The following NTF4 variants were observed in gnomAD, a reference collection of about 807,000 sequenced individuals.
NTF4 encodes the protein neurotrophin-4.
Under a neutral mutation model 4.4 loss-of-function variants are expected in NTF4, and 2 were observed. The observed-to-expected ratio is 0.46, with a 90% CI of 0.19 to 1.44. The LOEUF (loss-of-function observed/expected upper bound fraction) is 1.44. Among genes scored for constraint, NTF4 ranks in the 40% most tolerant of loss-of-function variants. The pLI, the probability that NTF4 is intolerant of heterozygous loss-of-function variation, is 0.26. For missense variants in NTF4, 260 were observed against 293.0 expected (o/e 0.89, Z 0.82); for synonymous variants, 127 against 122.0 (o/e 1.04, Z -0.27).
chr19:49,061,010 T>TG (rs1448066404), downstream of NTF4: 1 of 303,934 alleles, frequency 3.3e-6, no homozygotes, highest in African/African-American at 2.2e-5. The surrounding 1 kb of genome is among the most constrained non-coding windows in gnomAD (Gnocchi z 4.9). Context: ...AGCAAGGTGG[T>TG]GTCCTCTGAG....
rs764829441 is a variant in NTF4 at position 49,061,486 on chromosome 19, T to C, written c.512A>G (p.Lys171Arg). 6.2e-7 allele frequency: 1 copy of C among 1,614,040 alleles called. No individual in the cohort carries two copies. The highest frequency in any genetic ancestry group is 8.5e-7 in the Non-Finnish European group (1 of 1,179,936). Residue 171 changes from lysine to arginine, a missense_variant, in exon 1 of 1, where the codon AAG becomes AGG. Transcript: ENST00000593537. This position sits in a 1 kb window ranked among gnomAD's most constrained non-coding sequence, Gnocchi z 4.9. The stretch of plus-strand genomic sequence containing the variant: ...TGCCCGCACATAGGACTGCTTGGCC[T>C]TGCACTCAGATACCCAGTGCCTCCT...
At chr19:49,062,246 G>C (rs1199368948), upstream of NTF4, among the ~76,000 whole-genome samples, 2 of 152,232 alleles carry the variant, frequency 1.3e-5, no homozygotes, top group African/African-American at 4.8e-5. Context: ...CCAGCACTCT[G>C]GGAGGCTGAG....
downstream of NTF4, among the ~76,000 whole-genome samples, chr19:49,060,458 A>T (rs924063806): frequency 2.0e-5 from 3 of 152,024 alleles, no homozygotes; most frequent in African/African-American, 7.3e-5. Context: ...CACCCTTCAG[A>T]GTAGCTTGGA....
Position 49,061,853 on chromosome 19 carries a change from A to G in NTF4, c.145T>C (p.Ser49Pro). The change falls in exon 1 of 1, where the codon TCT (serine) becomes CCT (proline). Residue 49 changes from serine (S) to proline (P), a missense_variant. Coordinates refer to ENST00000593537, the Ensembl canonical transcript of NTF4. This position sits in a 1 kb window ranked among gnomAD's most constrained non-coding sequence, Gnocchi z 4.9. ...GGGGGCCCAGCAGGGGCACCCCTAG[A>G]CAGGACTACTCGGGGGGAGAGAAGG... The G allele has an allele frequency of 6.5e-7, 1 of 1,548,780 alleles. No homozygotes were observed. The highest frequency in any genetic ancestry group is 8.7e-7 in the Non-Finnish European group (1 of 1,145,674).
In NTF4 at chr19:49,061,827, A is replaced by C; in HGVS notation, c.171T>G (p.Pro57=). Residue 57 remains proline, a synonymous_variant, in exon 1 of 1, where the codon CCT becomes CCG. Transcript: ENST00000593537. This position sits in a 1 kb window ranked among gnomAD's most constrained non-coding sequence, Gnocchi z 4.9. ...CCCCAGCCTCCAGCAGGAAGAGCAG[A>C]GGGGGCCCAGCAGGGGCACCCCTAG... 1 of 1,550,668 alleles carries C rather than the reference A, an allele frequency of 6.4e-7. No homozygotes were observed. Among genetic ancestry groups the C allele is most frequent in the Non-Finnish European group, 8.7e-7 (1 of 1,147,480 alleles).
At chr19:49,058,400 C>G, downstream of NTF4, 2 of 841,178 alleles carry the variant, frequency 2.4e-6, no homozygotes, top group Non-Finnish European at 1.8e-6. Context: ...CCCTATCACC[C>G]CCCACCCCAA....
rs898702012 is a variant in NTF4 at position 49,061,890 on chromosome 19, G to A, written c.108C>T (p.Ala36=). 1 of 1,536,252 alleles carries A rather than the reference G, an allele frequency of 6.5e-7. No individual in the cohort carries two copies. Among genetic ancestry groups the A allele is most frequent in the Admixed American group, 2.0e-5 (1 of 50,672 alleles). Reference sequence around the variant, plus strand: ...GGGGGGAGAGAAGGTCCCACTCAGGGGCCAGAAAAGGGGGCAATGTTGAGG... The same window carrying A: ...GGGGGGAGAGAAGGTCCCACTCAGGAGCCAGAAAAGGGGGCAATGTTGAGG... Residue 36 remains alanine (A), a synonymous_variant, in exon 1 of 1, where the codon GCC becomes GCT. Transcript: ENST00000593537. This position sits in a 1 kb window ranked among gnomAD's most constrained non-coding sequence, Gnocchi z 4.9.
At chr19:49,062,523 A>T (rs1204525079), upstream of NTF4, among the ~76,000 whole-genome samples, 1 of 152,044 alleles carries the variant, frequency 6.6e-6, no homozygotes, top group Non-Finnish European at 1.5e-5. Flanking sequence ...GGTGGCTCAC[A>T]CCTGTAATCC....
At chr19:49,060,036 C>CAAAAAA (rs55870191), downstream of NTF4, among the ~76,000 whole-genome samples, 1,900 of 28,526 alleles carry the variant, frequency 0.067, 584 homozygotes, top group Non-Finnish European at 0.07. Flanking sequence ...GACTCCATCT[C>CAAAAAA]AAAAAAAAAA....
downstream of NTF4, among the ~76,000 whole-genome samples, chr19:49,060,323 C>T (rs534436074): frequency 7.9e-5 from 12 of 152,136 alleles, no homozygotes; most frequent in African/African-American, 2.7e-4. Context: ...CCCACTCAAG[C>T]TGGACAAAAT....
downstream of NTF4, among the ~76,000 whole-genome samples, chr19:49,059,757 G>A (rs1400135556): frequency 6.6e-6 from 1 of 152,044 alleles, no homozygotes; most frequent in African/African-American, 2.4e-5. Flanking sequence ...ACTATAAACA[G>A]CTTTTGATCA....
At chr19:49,058,301 G>A, downstream of NTF4, 2 of 1,508,514 alleles carry the variant, frequency 1.3e-6, no homozygotes, top group Non-Finnish European at 1.8e-6. Flanking sequence ...GCCCAGATGC[G>A]AGAATCCTGC....
chr19:49,061,134 C>T lies in NTF4; in HGVS notation c.*231G>A, dbSNP rs746653017. On this transcript the variant is annotated 3_prime_UTR_variant, in exon 1 of 1. Transcript: ENST00000593537. The surrounding 1 kb of genome is among the most constrained non-coding windows in gnomAD (Gnocchi z 4.9). ...ACAGTAAACACTCAGTAAATAGTGG[C>T]TATTATTATTATATCATCATCATTA... 8 of 678,862 alleles carry T rather than the reference C, an allele frequency of 1.2e-5. No individual in the cohort carries two copies. The highest frequency in any genetic ancestry group is 1.9e-5 in the Non-Finnish European group (8 of 411,440). 42.1% of individuals were successfully genotyped at this position (678,862 alleles called of 1,614,324 possible).
At chr19:49,060,393 A>G (rs1026567266), downstream of NTF4, among the ~76,000 whole-genome samples, 3 of 152,180 alleles carry the variant, frequency 2.0e-5, no homozygotes, top group South Asian at 2.1e-4. Context: ...GTGCAATGGT[A>G]CAGTCTTGGC....
rs749392406 is a variant in NTF4, at chr19:49,061,438, C to A, written c.560G>T (p.Arg187Leu). 1 of 1,614,002 alleles carries A rather than the reference C, an allele frequency of 6.2e-7. No homozygotes were observed. The highest frequency in any genetic ancestry group is 8.5e-7 in the Non-Finnish European group (1 of 1,179,960). The change falls in exon 1 of 1, where the codon CGT (arginine) becomes CTT (leucine). Residue 187 changes from arginine (R) to leucine (L), a missense_variant. Arg to Leu is a moderately radical substitution (Grantham distance 102). Transcript: ENST00000593537. The surrounding 1 kb of genome is among the most constrained non-coding windows in gnomAD (Gnocchi z 4.9). The stretch of plus-strand genomic sequence containing the variant: ...AATTCGAATCCATCGCCAGCCCACA[C>A]GGCCCTGGGCATCAGCGGTCAATGC...
At chr19:49,060,080 A>C (rs972345395), downstream of NTF4, among the ~76,000 whole-genome samples, 1 of 124,886 alleles carries the variant, frequency 8.0e-6, no homozygotes, top group East Asian at 2.5e-4. Flanking sequence ...GCTTTTGGTC[A>C]AGGCCTCTGA....
rs2040125476 is a variant in NTF4, at chr19:49,061,076, T to C, written c.*289A>G. ...CCACCAATGATCAAATCCATGAGAG[T>C]TGATCTGAGGAGTTATGTATTAGGG... On this transcript the variant is annotated 3_prime_UTR_variant, in exon 1 of 1. Transcript: ENST00000593537. This position sits in a 1 kb window ranked among gnomAD's most constrained non-coding sequence, Gnocchi z 4.9. 6.3e-6 allele frequency: 3 copies of C among 474,772 alleles called. No individual in the cohort carries two copies. Among genetic ancestry groups the C allele is most frequent in the Non-Finnish European group, 1.1e-5 (3 of 264,776 alleles). 29.4% of individuals were successfully genotyped at this position (474,772 alleles called of 1,614,324 possible). A position where few individuals can be genotyped will look rare whatever the true frequency, so the allele number is the denominator to read the frequency against.
upstream of NTF4, chr19:49,064,532 A>C (rs1600252230): frequency 6.4e-6 from 1 of 156,998 alleles, no homozygotes; most frequent in African/African-American, 2.5e-5. Flanking sequence ...CAGACCCAGG[A>C]GGAGTCCAGG....
At position 49,061,097 on chromosome 19, in the gene NTF4, T is replaced by G. The variant is rs2040125765; in HGVS notation, c.*268A>C. On this transcript the variant is annotated 3_prime_UTR_variant, in exon 1 of 1. Coordinates refer to ENST00000593537, the Ensembl canonical transcript of NTF4. This position sits in a 1 kb window ranked among gnomAD's most constrained non-coding sequence, Gnocchi z 4.9. The stretch of plus-strand genomic sequence containing the variant: ...AGAGTTGATCTGAGGAGTTATGTAT[T>G]AGGGATAAGAAACAGTAAACACTCA... 7.1e-6 allele frequency: 4 copies of G among 561,050 alleles called. No homozygotes were observed. The highest frequency in any genetic ancestry group is 3.1e-6 in the Non-Finnish European group (1 of 321,266). 34.8% of individuals were successfully genotyped at this position (561,050 alleles called of 1,614,324 possible).
Sources: allele counts gnomAD v4.1 joint callset (sites outside exome capture counted in the v4.1 genomes callset), GRCh38; gene constraint gnomAD v4.1.1; non-coding constraint Gnocchi (gnomAD v3.1); transcripts MANE v1.5; gene names NCBI Gene and HGNC (gene_info 2026-07-23, HGNC 2026-07-21).